Variants in SLC39A11 observed in about 807,000 individuals in gnomAD.
The protein encoded by SLC39A11 is zinc transporter ZIP11.
Under a neutral mutation model 36.1 loss-of-function variants are expected in SLC39A11, and 33 were observed. The ratio of observed to expected loss-of-function variants is 0.91; its 90% CI spans 0.69 to 1.22. The LOEUF is 1.22. Ranked by LOEUF, SLC39A11 falls within the 50% of genes most tolerant of loss-of-function variation. The probability of loss-of-function intolerance (pLI) is 0.00; values close to 1 mark genes in which losing one functional copy is unlikely to be tolerated. For missense variants in SLC39A11, 432 were observed against 430.3 expected (o/e 1.00, Z -0.03); for synonymous variants, 166 against 170.3 (o/e 0.97, Z 0.20).
intron 4 of SLC39A11, among the ~76,000 whole-genome samples, chr17:72,974,747 C>CACTCACTG (rs957641953): frequency 2.0e-4 from 31 of 152,352 alleles, no homozygotes; most frequent in East Asian, 9.6e-4. Context: ...ACTCACCACT[C>CACTCACTG]ACTCACTGAC....
At chr17:72,772,905 G>A (rs1320225682) in intron 6 of SLC39A11, among the ~76,000 whole-genome samples, 3 of 152,086 alleles carry the variant, frequency 2.0e-5, no homozygotes, top group Non-Finnish European at 2.9e-5. Flanking sequence ...CCAACATGGT[G>A]AAACCCTGTC....
Position 72,704,391 on chromosome 17 carries a change from GGCTCCCTTTCTGGAGAACA to G in SLC39A11, c.671+32240_671+32258del, listed in dbSNP as rs547611921. 9.6e-4 allele frequency among the ~76,000 whole-genome samples: 146 copies of G among 152,286 alleles called. No homozygotes were observed. The Middle Eastern group carries it at 0.014, about 14-fold the overall frequency. On this transcript the variant is annotated intron_variant, in intron 7 of 9. Coordinates refer to ENST00000255559, the MANE Select transcript of SLC39A11 (RefSeq NM_139177.4). ...GGGTCCTTGCTCTAATGTGGTGCTA[GGCTCCCTTTCTGGAGAACA>G]GCTCCCCAGTTTTCCCATCATTTAG...
At position 72,651,092 on chromosome 17, in the gene SLC39A11, G is replaced by T. The variant is rs2069831767; in HGVS notation, c.672-1824C>A. On this transcript the variant is annotated intron_variant, in intron 7 of 9. Coordinates refer to ENST00000255559, the MANE Select transcript of SLC39A11 (RefSeq NM_139177.4). ...AAGAAGTAGCCCCCACCTCGAGTCTGCCAGTCAAGTAGACTCTTAGGAAAA... is the reference window on the plus strand; with the variant it reads ...AAGAAGTAGCCCCCACCTCGAGTCTTCCAGTCAAGTAGACTCTTAGGAAAA... Among the ~76,000 whole-genome samples, 4 of 152,166 alleles carry T rather than the reference G, an allele frequency of 2.6e-5. No individual in the cohort carries two copies. The South Asian group carries it at 8.3e-4, about 32-fold the overall frequency.
chr17:73,038,177 T>C (rs1482761873), intron 3 of SLC39A11, among the ~76,000 whole-genome samples: 1 of 151,948 alleles, frequency 6.6e-6, no homozygotes, highest in Non-Finnish European at 1.5e-5. Flanking sequence ...TGAACTGAGA[T>C]CACACCATGG....
intron 5 of SLC39A11, among the ~76,000 whole-genome samples, chr17:72,930,803 G>C (rs557651343): frequency 6.6e-6 from 1 of 152,176 alleles, no homozygotes; most frequent in African/African-American, 2.4e-5. Context: ...TAGCACTGTA[G>C]GCTAATGGGC....
At chr17:72,908,163 A>G (rs1224148981) in intron 5 of SLC39A11, among the ~76,000 whole-genome samples, 1 of 152,162 alleles carries the variant, frequency 6.6e-6, no homozygotes, top group Non-Finnish European at 1.5e-5. Flanking sequence ...TCCTCACTGA[A>G]ACCCAAGGCT....
At chr17:73,004,297 A>T (rs376445281) in intron 4 of SLC39A11, among the ~76,000 whole-genome samples, 2 of 152,212 alleles carry the variant, frequency 1.3e-5, no homozygotes, top group African/African-American at 4.8e-5. Context: ...TTTATTTCTC[A>T]TAGTTCTGGA....
intron 6 of SLC39A11, among the ~76,000 whole-genome samples, chr17:72,777,015 G>C (rs1473372826): frequency 6.6e-6 from 1 of 152,092 alleles, no homozygotes; most frequent in Non-Finnish European, 1.5e-5. Flanking sequence ...CTACCTTCCT[G>C]GGGGGCCGTG....
In SLC39A11 at chr17:72,764,129, A is replaced by G. The variant is rs139510436; in HGVS notation, c.602-27410T>C. The stretch of plus-strand genomic sequence containing the variant: ...GTGGGAAGGCCCAGGGTCACTAACC[A>G]CAGGCCTCTTTCATGCAACTCTTCC... On this transcript the variant is annotated intron_variant, in intron 6 of 9. Transcript: ENST00000255559. Among the ~76,000 whole-genome samples, 200 of 152,254 alleles carry G rather than the reference A, an allele frequency of 1.3e-3. 1 individual carries two copies. The highest frequency in any genetic ancestry group is 4.6e-3 in the African/African-American group (190 of 41,552).
At chr17:72,729,405 TTATATATATA>T (rs1162603035) in intron 7 of SLC39A11, among the ~76,000 whole-genome samples, 34 of 29,220 alleles carry the variant, frequency 1.2e-3, no homozygotes, top group Non-Finnish European at 1.5e-3. Flanking sequence ...ACCTGGCTAT[TTATATATATA>T]TATATATATA....
intron 3 of SLC39A11, among the ~76,000 whole-genome samples, chr17:73,075,714 G>C (rs576059336): frequency 6.6e-6 from 1 of 152,102 alleles, no homozygotes; most frequent in Non-Finnish European, 1.5e-5. Flanking sequence ...TTAGCTAGGC[G>C]TGGTGGTGGG....
chr17:72,898,332 C>A (rs116413760), intron 5 of SLC39A11, among the ~76,000 whole-genome samples: 4,024 of 152,262 alleles, frequency 0.026, 184 homozygotes, highest in African/African-American at 0.089. Context: ...TTGATCAGGA[C>A]GCTTCAGGCC....
chr17:72,692,323 T>C (rs2072072674), intron 7 of SLC39A11, among the ~76,000 whole-genome samples: 1 of 152,200 alleles, frequency 6.6e-6, no homozygotes, highest in African/African-American at 2.4e-5. Flanking sequence ...AATAGCGCAT[T>C]TTTATTAAAC....
intron 4 of SLC39A11, among the ~76,000 whole-genome samples, chr17:72,996,194 G>A (rs562333197): frequency 1.3e-5 from 2 of 152,024 alleles, no homozygotes; most frequent in Admixed American, 1.3e-4. Flanking sequence ...AACATGTCAC[G>A]CCCCTCCTGA....
At chr17:72,731,411 G>A (rs919496907) in intron 7 of SLC39A11, among the ~76,000 whole-genome samples, 4 of 152,192 alleles carry the variant, frequency 2.6e-5, no homozygotes, top group Admixed American at 1.3e-4. Context: ...GGGGTAGGAC[G>A]TGGTGGGAGG....
intron 4 of SLC39A11, among the ~76,000 whole-genome samples, chr17:72,968,311 A>T (rs1376233200): frequency 6.6e-6 from 1 of 152,184 alleles, no homozygotes; most frequent in African/African-American, 2.4e-5. Flanking sequence ...CCCAGGTTCC[A>T]CCAGAGCCGA....
chr17:72,892,538 T>C (rs1216177756), intron 5 of SLC39A11, among the ~76,000 whole-genome samples: 2 of 151,976 alleles, frequency 1.3e-5, no homozygotes, highest in East Asian at 1.9e-4. Context: ...TAAAGATAAA[T>C]AGATTAAATA....
intron 6 of SLC39A11, among the ~76,000 whole-genome samples, chr17:72,739,295 T>C (rs1428808281): frequency 6.6e-6 from 1 of 151,876 alleles, no homozygotes; most frequent in Non-Finnish European, 1.5e-5. Flanking sequence ...CCCAGCTAAT[T>C]TTTGTACTTT....
At chr17:72,996,546 C>G (rs1354548075) in intron 4 of SLC39A11, among the ~76,000 whole-genome samples, 1 of 152,158 alleles carries the variant, frequency 6.6e-6, no homozygotes, top group Non-Finnish European at 1.5e-5. Flanking sequence ...ACCCTCAGCA[C>G]TCCTTGGCTC....
Sources: gnomAD v4.1 joint callset for allele counts (sites outside exome capture counted in the v4.1 genomes callset) on GRCh38, gnomAD v4.1.1 for gene constraint, MANE v1.5 for transcripts, NCBI Gene and HGNC (gene_info 2026-07-23, HGNC 2026-07-21) for gene names.